DEPTOR: variants seen among roughly 807,000 people sequenced by gnomAD.
DEPTOR encodes the protein DEP domain-containing mTOR-interacting protein.
In DEPTOR, 41 loss-of-function variants were observed where a neutral mutation model predicts 41.6. The observed-to-expected ratio is 0.98, with a 90% CI of 0.77 to 1.28. The LOEUF (loss-of-function observed/expected upper bound fraction) is 1.28, where lower values mean the gene tolerates loss of function less well. Among genes scored for constraint, DEPTOR ranks in the 50% most tolerant of loss-of-function variants. The pLI is 0.00. For missense variants in DEPTOR, 514 were observed against 527.9 expected (o/e 0.97, Z 0.26); for synonymous variants, 195 against 192.3 (o/e 1.01, Z -0.12).
At chr8:119,922,965 G>T (rs1827915281) in intron 1 of DEPTOR, among the ~76,000 whole-genome samples, 1 of 152,168 alleles carries the variant, frequency 6.6e-6, no homozygotes, top group African/African-American at 2.4e-5. Flanking sequence ...CCCAGGAAGA[G>T]TTGGTGGGTC....
intron 1 of DEPTOR, among the ~76,000 whole-genome samples, chr8:119,884,245 A>G (rs914081732): frequency 9.2e-5 from 14 of 152,208 alleles, no homozygotes; most frequent in African/African-American, 2.9e-4. Flanking sequence ...TTCAGTAAAG[A>G]TGGGGTTTCA....
intron 1 of DEPTOR, among the ~76,000 whole-genome samples, chr8:119,876,584 G>A (rs1827233768): frequency 6.6e-6 from 1 of 151,640 alleles, no homozygotes; most frequent in African/African-American, 2.4e-5. Context: ...GTTGCAGTGA[G>A]CCAAGACAGT....
intron 1 of DEPTOR, among the ~76,000 whole-genome samples, chr8:119,885,539 G>T (rs1827353135): frequency 6.6e-6 from 1 of 152,188 alleles, no homozygotes; most frequent in South Asian, 2.1e-4. Context: ...TATACAGTGA[G>T]CATAGCCTAG....
At chr8:120,008,745 C>G (rs1812487309) in intron 7 of DEPTOR, among the ~76,000 whole-genome samples, 1 of 152,124 alleles carries the variant, frequency 6.6e-6, no homozygotes, top group African/African-American at 2.4e-5. Flanking sequence ...AATTGTATAA[C>G]AGCCTAAGAA....
chr8:119,922,034 T>C (rs994385685), intron 1 of DEPTOR, among the ~76,000 whole-genome samples: 10 of 152,050 alleles, frequency 6.6e-5, no homozygotes, highest in African/African-American at 2.4e-4. Flanking sequence ...GGTCAGGCGT[T>C]TGAGACCAGC....
chr8:119,903,139 C>A (rs1194047069), intron 1 of DEPTOR, among the ~76,000 whole-genome samples: 2 of 152,104 alleles, frequency 1.3e-5, no homozygotes, highest in Admixed American at 1.3e-4. Context: ...TGCTCTGTTG[C>A]CCAGGCTGGA....
At chr8:119,946,301 A>G in intron 3 of DEPTOR, among the ~76,000 whole-genome samples, 1 of 152,322 alleles carries the variant, frequency 6.6e-6, no homozygotes, top group Admixed American at 6.5e-5. Flanking sequence ...TAAATTTGTA[A>G]TTAAATTTTA....
intron 4 of DEPTOR, among the ~76,000 whole-genome samples, chr8:119,997,046 C>T (rs141473470): frequency 0.013 from 2,026 of 152,154 alleles, 47 homozygotes; most frequent in African/African-American, 0.047. Context: ...TTTTTTGGTC[C>T]AGGTTGCATT....
intron 4 of DEPTOR, among the ~76,000 whole-genome samples, chr8:119,987,144 T>C (rs1238995526): frequency 6.6e-6 from 1 of 152,186 alleles, no homozygotes; most frequent in Non-Finnish European, 1.5e-5. Flanking sequence ...CTTTTTGTGC[T>C]GGTTTTTCCT....
At chr8:119,902,442 C>T (rs1563961208) in intron 1 of DEPTOR, among the ~76,000 whole-genome samples, 1 of 152,066 alleles carries the variant, frequency 6.6e-6, no homozygotes, top group African/African-American at 2.4e-5. Flanking sequence ...CTGGTTCAAG[C>T]GATTCTCCTG....
chr8:120,021,877 G>A (rs1428914916), intron 8 of DEPTOR, among the ~76,000 whole-genome samples: 1 of 151,692 alleles, frequency 6.6e-6, no homozygotes, highest in African/African-American at 2.4e-5. Flanking sequence ...GGGTGTCGTG[G>A]CTCAAACCTT....
At chr8:120,036,441 C>T (rs1179462390) in intron 8 of DEPTOR, among the ~76,000 whole-genome samples, 2 of 152,176 alleles carry the variant, frequency 1.3e-5, no homozygotes, top group Non-Finnish European at 2.9e-5. Context: ...CTGTGTTTGT[C>T]CAAGAACTGG....
chr8:120,026,302 G>A (rs1812795993), intron 8 of DEPTOR, among the ~76,000 whole-genome samples: 3 of 151,818 alleles, frequency 2.0e-5, no homozygotes, highest in Admixed American at 1.3e-4. Flanking sequence ...GGTTGGAATT[G>A]TGTTGCGTGG....
At chr8:119,953,546 G>C (rs186859404) in intron 3 of DEPTOR, among the ~76,000 whole-genome samples, 1 of 150,298 alleles carries the variant, frequency 6.7e-6, no homozygotes, top group Non-Finnish European at 1.5e-5. Context: ...AGCCAAGATT[G>C]TGCCACTGCA....
intron 3 of DEPTOR, among the ~76,000 whole-genome samples, chr8:119,956,901 A>AT (rs969908961): frequency 1.3e-5 from 2 of 151,526 alleles, no homozygotes. Context: ...CACCCAGCTA[A>AT]TTTTTTTGTG....
At position 119,974,627 on chromosome 8, in the gene DEPTOR, G is replaced by T. The variant is rs562421047; in HGVS notation, c.604+9217G>T. The stretch of plus-strand genomic sequence containing the variant: ...TCTCTACTAAAAGTACAAAAATTAG[G>T]CAGGCTTGATGGTGTGTGCCTGTAA... On this transcript the variant is annotated intron_variant, in intron 4 of 8. Coordinates refer to ENST00000286234, the MANE Select transcript of DEPTOR (RefSeq NM_022783.4). Among the ~76,000 whole-genome samples the T allele has an allele frequency of 2.6e-5, 4 of 152,178 alleles. No individual in the cohort carries two copies. The South Asian group carries it at 8.3e-4, about 32-fold the overall frequency.
At chr8:119,946,474 G>C (rs1387587934) in intron 3 of DEPTOR, among the ~76,000 whole-genome samples, 1 of 151,294 alleles carries the variant, frequency 6.6e-6, no homozygotes, top group Non-Finnish European at 1.5e-5. Flanking sequence ...GGGTGCAGTG[G>C]CTCATGCCTG....
chr8:119,874,779 G>C (rs1288242369), intron 1 of DEPTOR, among the ~76,000 whole-genome samples: 1 of 152,132 alleles, frequency 6.6e-6, no homozygotes, highest in Non-Finnish European at 1.5e-5. Flanking sequence ...TCCCATCCCT[G>C]TATGGTCCTT....
intron 4 of DEPTOR, among the ~76,000 whole-genome samples, chr8:119,969,576 G>A (rs918251416): frequency 3.3e-5 from 5 of 152,008 alleles, no homozygotes; most frequent in African/African-American, 4.8e-5. Flanking sequence ...GGCAGGTCTC[G>A]AACTCCTGAC....
Sources: gnomAD v4.1 joint callset for allele counts (sites outside exome capture counted in the v4.1 genomes callset) on GRCh38, gnomAD v4.1.1 for gene constraint, MANE v1.5 for transcripts, NCBI Gene and HGNC (gene_info 2026-07-23, HGNC 2026-07-21) for gene names.